The following CSTF3 variants were observed in gnomAD, a reference collection of about 807,000 sequenced individuals.
CSTF3 encodes the protein CF-1 77 kDa subunit.
A neutral mutation model predicts 105.8 loss-of-function variants in CSTF3; 29 were observed. That is an observed-to-expected ratio of 0.27 (90% CI 0.20 to 0.37). The LOEUF (loss-of-function observed/expected upper bound fraction) is 0.37, where lower values mean the gene tolerates loss of function less well. Among genes scored for constraint, CSTF3 ranks in the 10% least tolerant of loss-of-function variants. CSTF3 has a pLI of 1.00. For missense variants in CSTF3, 357 were observed against 879.3 expected (o/e 0.41, Z 7.51); for synonymous variants, 252 against 281.9 (o/e 0.89, Z 1.06).
intron 8 of CSTF3, among the ~76,000 whole-genome samples, 198 bp from the exon 9 acceptor site, chr11:33,103,382 G>A (rs552684723): frequency 6.6e-6 from 1 of 152,296 alleles, no homozygotes; most frequent in East Asian, 1.9e-4. Flanking sequence ...CAAGGAGGAT[G>A]TGCTTATGTC....
rs530265464 is a variant in CSTF3, at chr11:33,122,671, T to C, written c.226-14253A>G. Among the ~76,000 whole-genome samples the C allele has an allele frequency of 1.7e-3, 254 of 152,082 alleles. 4 individuals are homozygous for C. The highest frequency in any genetic ancestry group is 5.8e-3 in the African/African-American group (242 of 41,514). ...GGCTCAAGCCTGTAATCCTAGCACT[T>C]TGAGAGGCCAAGGCTGGTGGTTAGA... On this transcript the variant is annotated intron_variant, in intron 3 of 20. Transcript: ENST00000323959.
At chr11:33,158,963 A>G (rs1260571151) in intron 1 of CSTF3, among the ~76,000 whole-genome samples, 1 of 152,122 alleles carries the variant, frequency 6.6e-6, no homozygotes, top group Non-Finnish European at 1.5e-5. Context: ...ATGATTCAAT[A>G]TGTAAATCTA....
intron 3 of CSTF3, among the ~76,000 whole-genome samples, chr11:33,117,543 T>C (rs986663893): frequency 7.2e-5 from 11 of 151,924 alleles, no homozygotes; most frequent in Non-Finnish European, 1.6e-4. Flanking sequence ...TAAACAGCAC[T>C]CAGGTAAAGT....
intron 17 of CSTF3, among the ~76,000 whole-genome samples, chr11:33,088,288 T>G (rs1268216232): frequency 5.0e-5 from 7 of 140,192 alleles, no homozygotes; most frequent in Non-Finnish European, 8.9e-5. Context: ...ATACTTACTC[T>G]CTTTTTTTTT....
At chr11:33,159,392 T>C (rs1277228290) in intron 1 of CSTF3, among the ~76,000 whole-genome samples, 1 of 151,830 alleles carries the variant, frequency 6.6e-6, no homozygotes, top group African/African-American at 2.4e-5. Flanking sequence ...GGTCAGGAGT[T>C]CGAGACCAGC....
chr11:33,136,777 C>T (rs1360133579), intron 3 of CSTF3, among the ~76,000 whole-genome samples: 2 of 151,824 alleles, frequency 1.3e-5, no homozygotes, highest in African/African-American at 2.4e-5. Flanking sequence ...TACGTTGCAG[C>T]GTATCTTTAA....
At chr11:33,126,243 TGAGCCC>T (rs1374827725) in intron 3 of CSTF3, among the ~76,000 whole-genome samples, 3 of 152,122 alleles carry the variant, frequency 2.0e-5, no homozygotes, top group African/African-American at 7.2e-5. Flanking sequence ...GAGGATTGCT[TGAGCCC>T]GAGTTCAAGA....
At chr11:33,157,518 T>A (rs1849882982) in intron 1 of CSTF3, among the ~76,000 whole-genome samples, 1 of 151,984 alleles carries the variant, frequency 6.6e-6, no homozygotes, top group African/African-American at 2.4e-5. Flanking sequence ...TCAGAAGAGA[T>A]CCTTGAACAC....
At chr11:33,088,785 TTC>T (rs1326254267) in intron 17 of CSTF3, among the ~76,000 whole-genome samples, 3 of 151,750 alleles carry the variant, frequency 2.0e-5, no homozygotes, top group Admixed American at 1.3e-4. Flanking sequence ...TTTTGTATTT[TTC>T]TCTCTTTTTT....
chr11:33,159,716 TGA>T, intron 1 of CSTF3, among the ~76,000 whole-genome samples: 1 of 150,874 alleles, frequency 6.6e-6, no homozygotes, highest in East Asian at 2.0e-4. Context: ...GAAGCTATGG[TGA>T]GCTGTGATGG....
intron 15 of CSTF3, among the ~76,000 whole-genome samples, chr11:33,093,222 AT>A (rs562116879): frequency 6.6e-6 from 1 of 152,166 alleles, no homozygotes; most frequent in African/African-American, 2.4e-5. Flanking sequence ...AGATGGCGCT[AT>A]TTTTTTGGCT....
chr11:33,109,890 T>C (rs1444416292), intron 3 of CSTF3, among the ~76,000 whole-genome samples: 1 of 152,210 alleles, frequency 6.6e-6, no homozygotes, highest in Non-Finnish European at 1.5e-5. Context: ...CTTTGAATTT[T>C]TGCTCAAGGT....
intron 3 of CSTF3, among the ~76,000 whole-genome samples, chr11:33,130,204 G>C (rs1438388956): frequency 6.6e-6 from 1 of 152,168 alleles, no homozygotes; most frequent in East Asian, 1.9e-4. Context: ...TGGGCATGGT[G>C]GCTCATGCCT....
chr11:33,128,996 G>C (rs1195171070), intron 3 of CSTF3, among the ~76,000 whole-genome samples: 3 of 152,114 alleles, frequency 2.0e-5, no homozygotes, highest in Non-Finnish European at 4.4e-5. Context: ...TGTCTGGCAT[G>C]CATTTACACA....
intron 10 of CSTF3, 110 bp downstream of exon 10, chr11:33,102,067 A>T: frequency 1.4e-6 from 1 of 739,228 alleles, no homozygotes; most frequent in East Asian, 2.6e-5. Flanking sequence ...ATTGAATCTG[A>T]AGAACAAAAG....
chr11:33,159,530 A>G (rs79418461), intron 1 of CSTF3, among the ~76,000 whole-genome samples: 3,168 of 129,194 alleles, frequency 0.025, 73 homozygotes, highest in South Asian at 0.14. Context: ...CGGGAGGCGG[A>G]GGCTGCAGTA....
At chr11:33,146,781 G>A (rs1855789034) in intron 1 of CSTF3, among the ~76,000 whole-genome samples, 1 of 151,764 alleles carries the variant, frequency 6.6e-6, no homozygotes, top group African/African-American at 2.4e-5. Flanking sequence ...TCAGTGCCTA[G>A]TATGTGTCAG....
intron 8 of CSTF3, among the ~76,000 whole-genome samples, chr11:33,103,660 C>T (rs749660187): frequency 6.4e-4 from 97 of 152,182 alleles, no homozygotes; most frequent in Non-Finnish European, 5.4e-4. Flanking sequence ...ATCCCAGCTA[C>T]TTGGGAGCTT....
intron 20 of CSTF3, 114 bp from the exon 21 acceptor site, chr11:33,085,403 T>C: frequency 1.2e-6 from 1 of 802,920 alleles, no homozygotes; most frequent in Non-Finnish European, 1.9e-6. Flanking sequence ...CATGGGATAG[T>C]ACTACTGATA....
Sources: allele counts gnomAD v4.1 joint callset (sites outside exome capture counted in the v4.1 genomes callset), GRCh38; gene constraint gnomAD v4.1.1; transcripts MANE v1.5; gene names NCBI Gene and HGNC (gene_info 2026-07-23, HGNC 2026-07-21).